Variants in PPFIA2 observed in about 807,000 individuals in gnomAD.
PPFIA2 encodes liprin-alpha-2.
PPFIA2 carries 46 observed loss-of-function variants against 175.5 expected under a neutral mutation model. That is an observed-to-expected ratio of 0.26 (90% CI 0.21 to 0.34). The LOEUF is 0.34. Among genes scored for constraint, PPFIA2 ranks in the 10% least tolerant of loss-of-function variants. The pLI, the probability that PPFIA2 is intolerant of heterozygous loss-of-function variation, is 1.00. For missense variants in PPFIA2, 1,179 were observed against 1,506.1 expected (o/e 0.78, Z 3.60); for synonymous variants, 568 against 511.4 (o/e 1.11, Z -1.49).
At chr12:81,629,280 T>C (rs1249537705) in intron 4 of PPFIA2, among the ~76,000 whole-genome samples, 1 of 152,194 alleles carries the variant, frequency 6.6e-6, no homozygotes, top group Non-Finnish European at 1.5e-5. Context: ...AAATTTAAAA[T>C]GTAGGAATCA....
At chr12:81,669,663 G>A (rs1041691019) in intron 4 of PPFIA2, among the ~76,000 whole-genome samples, 1 of 151,948 alleles carries the variant, frequency 6.6e-6, no homozygotes, top group East Asian at 1.9e-4. Flanking sequence ...ATGGCACAAA[G>A]AAGGAAAAAT....
chr12:81,431,878 C>T (rs2048154482), intron 7 of PPFIA2, among the ~76,000 whole-genome samples: 2 of 152,138 alleles, frequency 1.3e-5, no homozygotes, highest in Non-Finnish European at 2.9e-5. Context: ...ATCTGCCTCT[C>T]TCTGTCACCT....
At chr12:81,443,980 C>A (rs918829555) in intron 6 of PPFIA2, among the ~76,000 whole-genome samples, 54 of 149,730 alleles carry the variant, frequency 3.6e-4, no homozygotes, top group African/African-American at 1.1e-3. Context: ...TCAGCCTCCC[C>A]AGTAGCTGGG....
intron 7 of PPFIA2, among the ~76,000 whole-genome samples, chr12:81,411,750 G>A (rs1163102753): frequency 6.6e-6 from 1 of 152,010 alleles, no homozygotes; most frequent in Non-Finnish European, 1.5e-5. Context: ...AACACAATGG[G>A]AGGAAAAGGC....
intron 4 of PPFIA2, among the ~76,000 whole-genome samples, chr12:81,662,296 A>G (rs1195677867): frequency 6.6e-6 from 1 of 152,208 alleles, no homozygotes; most frequent in Non-Finnish European, 1.5e-5. Context: ...AAGTCGATAG[A>G]CCACTAGCAA....
intron 4 of PPFIA2, among the ~76,000 whole-genome samples, chr12:81,620,013 A>C (rs1252858486): frequency 6.6e-6 from 1 of 151,922 alleles, no homozygotes; most frequent in Non-Finnish European, 1.5e-5. Flanking sequence ...CAAAAAAATT[A>C]TCCGGGCGTG....
At chr12:81,681,419 A>G (rs979111520) in intron 3 of PPFIA2, among the ~76,000 whole-genome samples, 2 of 152,032 alleles carry the variant, frequency 1.3e-5, no homozygotes, top group Non-Finnish European at 2.9e-5. Flanking sequence ...CCAGTGAATC[A>G]GAAGTCTTAA....
Position 81,344,376 on chromosome 12 carries a change from TATAA to T in PPFIA2, c.2262+284_2262+287del, listed in dbSNP as rs956228317. On this transcript the variant is annotated intron_variant, in intron 19 of 32. Transcript: ENST00000549396. ...ATTTGTACTATATTATATTAATAAA[TATAA>T]ATACTTATATTAAAATATAAAATTA... 9.4e-5 allele frequency among the ~76,000 whole-genome samples: 14 copies of T among 149,570 alleles called. 2 individuals carry two copies. In the Middle Eastern group the frequency reaches 0.043, roughly 455 times the overall value.
At chr12:81,341,376 T>C (rs545234420) in intron 19 of PPFIA2, among the ~76,000 whole-genome samples, 168 bp from the exon 20 acceptor site, 4 of 152,136 alleles carry the variant, frequency 2.6e-5, no homozygotes, top group African/African-American at 9.6e-5. Context: ...TTAAAGAGTT[T>C]GATTTTCACA....
intron 21 of PPFIA2, among the ~76,000 whole-genome samples, 158 bp from the exon 22 acceptor site, chr12:81,326,028 A>G (rs144096579): frequency 4.6e-5 from 7 of 152,282 alleles, no homozygotes; most frequent in African/African-American, 1.7e-4. Context: ...GCATGGGTAC[A>G]TACATAAACA....
intron 4 of PPFIA2, among the ~76,000 whole-genome samples, chr12:81,607,657 A>T (rs190492925): frequency 2.6e-5 from 4 of 152,222 alleles, no homozygotes; most frequent in African/African-American, 7.2e-5. Context: ...GTATCCTGAA[A>T]CTGTGTTAAA....
At chr12:81,458,020 T>C (rs2145805820) in intron 4 of PPFIA2, among the ~76,000 whole-genome samples, 154 bp from the exon 5 acceptor site, 1 of 152,322 alleles carries the variant, frequency 6.6e-6, no homozygotes, top group South Asian at 2.1e-4. Flanking sequence ...AAATACATTA[T>C]TCAAAACATG....
chr12:81,646,268 C>A (rs567242774), intron 4 of PPFIA2, among the ~76,000 whole-genome samples: 16 of 151,998 alleles, frequency 1.1e-4, no homozygotes, highest in Non-Finnish European at 2.2e-4. Context: ...GTAGAAACAC[C>A]CAATCATTCA....
At chr12:81,371,761 A>C (rs2035156247) in intron 11 of PPFIA2, among the ~76,000 whole-genome samples, 1 of 151,864 alleles carries the variant, frequency 6.6e-6, no homozygotes. Context: ...ATTATAAATC[A>C]TAAGACTGGG....
intron 16 of PPFIA2, among the ~76,000 whole-genome samples, chr12:81,353,708 T>C (rs2060412114): frequency 6.6e-6 from 1 of 151,080 alleles, no homozygotes. Flanking sequence ...TTAAACTAAT[T>C]AGTCTTCCTA....
At chr12:81,393,611 T>TC (rs2040556490) in intron 8 of PPFIA2, among the ~76,000 whole-genome samples, 1 of 151,998 alleles carries the variant, frequency 6.6e-6, no homozygotes, top group Non-Finnish European at 1.5e-5. Context: ...AACAGATTGC[T>TC]CCCCTTTCAA....
At chr12:81,445,765 C>A in intron 5 of PPFIA2, 45 bp from the exon 6 acceptor site, 1 of 1,551,928 alleles carries the variant, frequency 6.4e-7, no homozygotes, top group South Asian at 1.2e-5. Flanking sequence ...GAATACAAGT[C>A]ATAAATACTT....
intron 5 of PPFIA2, among the ~76,000 whole-genome samples, chr12:81,450,605 T>C (rs556711297): frequency 1.6e-3 from 246 of 152,304 alleles, no homozygotes; most frequent in Non-Finnish European, 2.4e-3. Context: ...TTCACTCTGA[T>C]GGTATTTTCT....
chr12:81,511,704 GA>G (rs1237068902), intron 4 of PPFIA2, among the ~76,000 whole-genome samples: 1 of 151,942 alleles, frequency 6.6e-6, no homozygotes, highest in African/African-American at 2.4e-5. Flanking sequence ...GTACAAAAAA[GA>G]AAGTTAAATG....
Sources: allele counts gnomAD v4.1 joint callset (sites outside exome capture counted in the v4.1 genomes callset), GRCh38; gene constraint gnomAD v4.1.1; transcripts MANE v1.5; gene names NCBI Gene and HGNC (gene_info 2026-07-23, HGNC 2026-07-21).